Variants in ODAD2 observed in about 807,000 individuals in gnomAD.
ODAD2 encodes outer dynein arm-docking complex subunit 2.
In ODAD2, 89 loss-of-function variants were observed where a neutral mutation model predicts 106.8. That is an observed-to-expected ratio of 0.83 (90% CI 0.70 to 0.99). ODAD2 has a LOEUF of 0.99. Ranked by LOEUF, ODAD2 falls within the 50% of genes least tolerant of loss-of-function variation. ODAD2 has a pLI of 0.00. For synonymous variants in ODAD2, 404 were observed against 436.2 expected (o/e 0.93, Z 0.92); for missense variants, 1,168 against 1,238.5 (o/e 0.94, Z 0.85).
chr10:27,935,990 G>T (rs1845949201), intron 15 of ODAD2, among the ~76,000 whole-genome samples: 1 of 152,098 alleles, frequency 6.6e-6, no homozygotes, highest in African/African-American at 2.4e-5. Flanking sequence ...TAAGTACCAT[G>T]ATGCAGCTGA....
intron 16 of ODAD2, among the ~76,000 whole-genome samples, chr10:27,911,407 T>C (rs1844005360): frequency 6.6e-6 from 1 of 152,222 alleles, no homozygotes; most frequent in African/African-American, 2.4e-5. Flanking sequence ...AGAGACTGTA[T>C]GAATTCATCA....
At chr10:27,846,777 C>CAGAGAAT (rs1838798353) in intron 19 of ODAD2, among the ~76,000 whole-genome samples, 1 of 149,910 alleles carries the variant, frequency 6.7e-6, no homozygotes, top group African/African-American at 2.5e-5. Flanking sequence ...AAACTACCAT[C>CAGAGAAT]AGAGAATACT....
intron 19 of ODAD2, among the ~76,000 whole-genome samples, chr10:27,826,917 C>T (rs1351510224): frequency 6.6e-6 from 1 of 151,982 alleles, no homozygotes; most frequent in Non-Finnish European, 1.5e-5. Context: ...CAGCTAACAT[C>T]CTCACTCTCC....
intron 6 of ODAD2, 174 bp from the exon 7 acceptor site, chr10:27,981,756 T>C: frequency 2.1e-6 from 1 of 473,332 alleles, no homozygotes; most frequent in South Asian, 3.2e-5. Context: ...TAATGTTATC[T>C]ATTTTTCCAT....
chr10:27,952,516 A>G (rs1847425735), intron 10 of ODAD2, among the ~76,000 whole-genome samples: 1 of 151,996 alleles, frequency 6.6e-6, no homozygotes, highest in Non-Finnish European at 1.5e-5. Flanking sequence ...TTTCAGCCCC[A>G]CATGCACTGG....
At chr10:27,950,560 A>G (rs1229865155) in intron 10 of ODAD2, among the ~76,000 whole-genome samples, 1 of 152,184 alleles carries the variant, frequency 6.6e-6, no homozygotes, top group Non-Finnish European at 1.5e-5. Context: ...GGACAATACA[A>G]GGATGCTACA....
intron 10 of ODAD2, among the ~76,000 whole-genome samples, chr10:27,951,271 TTCTAA>T: frequency 6.6e-6 from 1 of 152,200 alleles, no homozygotes; most frequent in African/African-American, 2.4e-5. Context: ...TTTCAACTCA[TTCTAA>T]AGATGATCTA....
chr10:27,965,813 T>C (rs1013006426), intron 9 of ODAD2, among the ~76,000 whole-genome samples: 2 of 152,242 alleles, frequency 1.3e-5, no homozygotes, highest in African/African-American at 4.8e-5. Context: ...TCATGATCAT[T>C]GTGCTGCAAT....
chr10:27,824,581 C>T (rs562795863), intron 19 of ODAD2, among the ~76,000 whole-genome samples: 1 of 152,278 alleles, frequency 6.6e-6, no homozygotes, highest in Admixed American at 6.5e-5. Flanking sequence ...TCTGTTATAG[C>T]AGCAGAAAAT....
At chr10:27,814,849 C>G (rs1358381232) in intron 19 of ODAD2, among the ~76,000 whole-genome samples, 1 of 152,214 alleles carries the variant, frequency 6.6e-6, no homozygotes, top group Non-Finnish European at 1.5e-5. Flanking sequence ...ATAACTGAGT[C>G]CTGCGGGAGG....
intron 19 of ODAD2, chr10:27,853,365 T>TGTAAATAA (rs1554790717): frequency 3.8e-6 from 1 of 260,392 alleles, no homozygotes; most frequent in South Asian, 4.0e-5. Context: ...AGACTCTGTC[T>TGTAAATAA]ATAAATAAAT....
chr10:27,826,279 C>T (rs914208394), intron 19 of ODAD2, among the ~76,000 whole-genome samples: 1 of 152,190 alleles, frequency 6.6e-6, no homozygotes, highest in African/African-American at 2.4e-5. Context: ...AGTGATATTA[C>T]AAATTGAAAT....
chr10:27,957,798 C>T lies in ODAD2; in HGVS notation c.1386+3770G>A, dbSNP rs373020064. On this transcript the variant is annotated intron_variant, in intron 10 of 19. Coordinates refer to ENST00000305242, the MANE Select transcript of ODAD2 (RefSeq NM_018076.5). ...CTCATAGCTCTGGACGAATAATAAG[C>T]TATAGTTCATTGACCTGTTTGGGTA... 5.3e-4 allele frequency among the ~76,000 whole-genome samples: 81 copies of T among 152,238 alleles called. 1 individual carries two copies. The highest frequency in any genetic ancestry group is 1.9e-3 in the African/African-American group (78 of 41,544).
At position 27,940,693 on chromosome 10, in the gene ODAD2, C is replaced by T; in HGVS notation, c.1856G>A (p.Ser619Asn). 1.2e-6 allele frequency: 2 copies of T among 1,614,124 alleles called. No homozygotes were observed. The highest frequency in any genetic ancestry group is 8.5e-7 in the Non-Finnish European group (1 of 1,180,000). The change falls in exon 13 of 20, where the codon AGT becomes AAT. Residue 619 changes from serine (S) to asparagine (N), a missense_variant. Transcript: ENST00000305242. Reference protein sequence around the residue: ...RCGALALWSCSKSHTNKEAIR... With the variant: ...RCGALALWSCNKSHTNKEAIR... ...GGCTTCTTTATTCGTATGACTCTTA[C>T]TGCAGCTCCACAGGGCCAGTGCCCC...
intron 19 of ODAD2, among the ~76,000 whole-genome samples, chr10:27,840,919 C>T (rs75205738): frequency 0.028 from 4,190 of 152,222 alleles, 190 homozygotes; most frequent in African/African-American, 0.097. Flanking sequence ...GCTAAAGCTT[C>T]CCAGTCTTTA....
chr10:27,825,681 T>C (rs1836984510), intron 19 of ODAD2, among the ~76,000 whole-genome samples: 1 of 152,182 alleles, frequency 6.6e-6, no homozygotes, highest in Admixed American at 6.5e-5. Flanking sequence ...CCACATAGGA[T>C]AGGGACAACA....
At chr10:27,812,655 C>A in intron 19 of ODAD2, 30 bp from the exon 20 acceptor site, 2 of 1,537,934 alleles carry the variant, frequency 1.3e-6, no homozygotes, top group South Asian at 1.3e-5. Flanking sequence ...GAAGAAGGGA[C>A]ACAAGAATAA....
chr10:27,887,120 T>C (rs1387277222), intron 17 of ODAD2, among the ~76,000 whole-genome samples: 1 of 152,008 alleles, frequency 6.6e-6, no homozygotes, highest in Non-Finnish European at 1.5e-5. Context: ...TACAAGAGCA[T>C]CATTTTAGAT....
intron 17 of ODAD2, among the ~76,000 whole-genome samples, chr10:27,874,049 G>C (rs1841124216): frequency 6.6e-6 from 1 of 152,144 alleles, no homozygotes; most frequent in Non-Finnish European, 1.5e-5. Context: ...TCTGTATTGG[G>C]TGCATATATA....
Sources: gnomAD v4.1 joint callset for allele counts (sites outside exome capture counted in the v4.1 genomes callset) on GRCh38, gnomAD v4.1.1 for gene constraint, MANE v1.5 for transcripts, NCBI Gene and HGNC (gene_info 2026-07-23, HGNC 2026-07-21) for gene names.